The following HOMER2 variants were observed in gnomAD, a reference collection of about 807,000 sequenced individuals.
The protein encoded by HOMER2 is homer protein homolog 2.
In HOMER2, 27 loss-of-function variants were observed where a neutral mutation model predicts 47.0. The observed-to-expected ratio is 0.57, with a 90% CI of 0.42 to 0.79. The LOEUF is 0.79. HOMER2 is among the 30% of genes least tolerant of loss of function. The probability of loss-of-function intolerance (pLI) is 0.00; values close to 1 mark genes in which losing one functional copy is unlikely to be tolerated. For missense variants in HOMER2, 443 were observed against 435.0 expected (o/e 1.02, Z -0.16); for synonymous variants, 161 against 163.8 (o/e 0.98, Z 0.13).
chr15:82,881,098 T>C (rs1835468343), intron 2 of HOMER2, among the ~76,000 whole-genome samples: 1 of 152,236 alleles, frequency 6.6e-6, no homozygotes, highest in South Asian at 2.1e-4. Context: ...ATAAGCTTCA[T>C]ACAGGCTCCC....
intron 6 of HOMER2, chr15:82,852,794 C>T (rs1409108341): frequency 6.5e-6 from 1 of 152,684 alleles, no homozygotes; most frequent in Non-Finnish European, 1.5e-5. Context: ...GGTGACCTTC[C>T]CCTGGGAATG....
intron 1 of HOMER2, among the ~76,000 whole-genome samples, chr15:82,959,710 G>A (rs992307404): frequency 6.6e-6 from 1 of 152,194 alleles, no homozygotes; most frequent in African/African-American, 2.4e-5. Context: ...TGATTCCGAT[G>A]CGCAGCCAGG....
intron 3 of HOMER2, among the ~76,000 whole-genome samples, chr15:82,872,245 T>C (rs965512920): frequency 6.6e-6 from 1 of 152,196 alleles, no homozygotes; most frequent in Non-Finnish European, 1.5e-5. Flanking sequence ...CCATCTCATT[T>C]GCTTCTGCTT....
chr15:82,906,413 G>C (rs2053287101), intron 1 of HOMER2, among the ~76,000 whole-genome samples: 1 of 151,198 alleles, frequency 6.6e-6, no homozygotes, highest in South Asian at 2.1e-4. Flanking sequence ...AAAAAATAAG[G>C]CCTGACTACA....
chr15:82,983,358 C>T (rs143273128), intron 1 of HOMER2, among the ~76,000 whole-genome samples: 109 of 152,216 alleles, frequency 7.2e-4, no homozygotes, highest in Non-Finnish European at 1.2e-3. Context: ...TCATGAATTA[C>T]TCACACATTT....
chr15:82,874,140 T>G (rs749760801), intron 3 of HOMER2, among the ~76,000 whole-genome samples: 10 of 152,218 alleles, frequency 6.6e-5, no homozygotes, highest in Non-Finnish European at 1.2e-4. Context: ...GCATCCTCAG[T>G]GCTGAGGATG....
rs188516950 is a variant in HOMER2 at position 82,850,770 on chromosome 15, G to A, written c.843+381C>T. Among the ~76,000 whole-genome samples, 20 of 152,332 alleles carry A rather than the reference G, an allele frequency of 1.3e-4. No homozygotes were observed. In the East Asian group the frequency reaches 3.9e-3, roughly 29 times the overall value. ...TCAGAAATCTGAGGATAGGGAGGAA[G>A]GCCTGCCCAAGGTCAGTGCCCAAGG... On this transcript the variant is annotated intron_variant, in intron 8 of 8. Transcript: ENST00000450735.
At chr15:82,951,043 A>T (rs569753018) in intron 1 of HOMER2, among the ~76,000 whole-genome samples, 12 of 152,226 alleles carry the variant, frequency 7.9e-5, no homozygotes, top group Non-Finnish European at 1.6e-4. Flanking sequence ...ACATTTTTTT[A>T]AAGTATGAAA....
intron 4 of HOMER2, among the ~76,000 whole-genome samples, chr15:82,860,450 A>C (rs2051738242): frequency 6.6e-6 from 1 of 152,186 alleles, no homozygotes; most frequent in Non-Finnish European, 1.5e-5. Context: ...CTATGGGTAC[A>C]GGAAGGTCCA....
chr15:82,984,725 A>G (rs2030530134), intron 1 of HOMER2, among the ~76,000 whole-genome samples: 1 of 152,162 alleles, frequency 6.6e-6, no homozygotes. Flanking sequence ...CTGAGCTGAG[A>G]GGATCGCCTG....
At chr15:82,921,808 T>C (rs1185897348) in intron 1 of HOMER2, among the ~76,000 whole-genome samples, 1 of 152,214 alleles carries the variant, frequency 6.6e-6, no homozygotes, top group African/African-American at 2.4e-5. Context: ...CTGTGCTATA[T>C]TTCTGACATT....
chr15:82,862,863 C>G (rs569854628), intron 4 of HOMER2, among the ~76,000 whole-genome samples: 1 of 152,154 alleles, frequency 6.6e-6, no homozygotes, highest in Non-Finnish European at 1.5e-5. Flanking sequence ...TCCCAAGGGT[C>G]GGCCACAGCA....
In HOMER2 at chr15:82,881,834, A is replaced by T. The variant is rs2052530623; in HGVS notation, c.163-6430T>A. 1.3e-5 allele frequency among the ~76,000 whole-genome samples: 2 copies of T among 152,238 alleles called. 1 individual carries two copies. The highest frequency in any genetic ancestry group is 2.9e-5 in the Non-Finnish European group (2 of 68,040). On this transcript the variant is annotated intron_variant, in intron 2 of 8. Coordinates refer to ENST00000450735, the MANE Select transcript of HOMER2 (RefSeq NM_004839.4). Reference sequence around the variant, plus strand: ...TGACCTCTAAGGTCTCTTCCAATACAGGTTTCTGTGATCCTATAAAATAAC... The same window carrying T: ...TGACCTCTAAGGTCTCTTCCAATACTGGTTTCTGTGATCCTATAAAATAAC...
At chr15:82,921,352 T>C (rs1482933303) in intron 1 of HOMER2, among the ~76,000 whole-genome samples, 1 of 152,162 alleles carries the variant, frequency 6.6e-6, no homozygotes, top group Non-Finnish European at 1.5e-5. Flanking sequence ...TCCTGTCATC[T>C]TATCTGATGA....
chr15:82,864,126 A>G (rs1567020674), intron 4 of HOMER2, 41 bp downstream of exon 4: 2 of 1,346,224 alleles, frequency 1.5e-6, no homozygotes, highest in East Asian at 4.9e-5. Flanking sequence ...AGTCCCTATC[A>G]CCAACCCCAC....
chr15:82,858,813 C>G (rs1376768120), intron 5 of HOMER2, among the ~76,000 whole-genome samples: 1 of 152,122 alleles, frequency 6.6e-6, no homozygotes, highest in Non-Finnish European at 1.5e-5. Flanking sequence ...CACACACTCT[C>G]TATTTCCCAC....
intron 2 of HOMER2, among the ~76,000 whole-genome samples, chr15:82,882,381 A>G (rs1444740806): frequency 2.0e-5 from 3 of 152,184 alleles, no homozygotes; most frequent in Non-Finnish European, 4.4e-5. Flanking sequence ...TAGGACTCCA[A>G]AGATGAGCCA....
At chr15:82,835,503 C>T (rs7166145), downstream of HOMER2, 1 of 152,402 alleles carries the variant, frequency 6.6e-6, no homozygotes, top group South Asian at 2.1e-4. Context: ...GAGTCCCTTT[C>T]AGCAGCTGCA....
intron 1 of HOMER2, among the ~76,000 whole-genome samples, chr15:82,946,032 A>C (rs1261887018): frequency 6.6e-6 from 1 of 152,122 alleles, no homozygotes; most frequent in Non-Finnish European, 1.5e-5. Context: ...GGGTAGGGCC[A>C]TCACACTGAG....
Sources: gnomAD v4.1 joint callset for allele counts (sites outside exome capture counted in the v4.1 genomes callset) on GRCh38, gnomAD v4.1.1 for gene constraint, MANE v1.5 for transcripts, NCBI Gene and HGNC (gene_info 2026-07-23, HGNC 2026-07-21) for gene names.